Variants in C7orf78 observed in about 807,000 individuals in gnomAD.
The protein encoded by C7orf78 is putative uncharacterized protein C7orf78.
chr7:12,539,870 G>T, the C7orf78 span, among the ~76,000 whole-genome samples: 74 of 152,260 alleles, frequency 4.9e-4, no homozygotes, highest in African/African-American at 1.7e-3. Flanking sequence ...GATGAATGAG[G>T]GCTCCAGGCT....
chr7:12,493,512 G>C, the C7orf78 span, among the ~76,000 whole-genome samples: 79 of 152,276 alleles, frequency 5.2e-4, no homozygotes, highest in African/African-American at 1.9e-3. Flanking sequence ...CAGCAGGTTT[G>C]AGATAGGGCC....
chr7:12,506,897 T>A, the C7orf78 span: 5 of 477,602 alleles, frequency 1.0e-5, no homozygotes, highest in South Asian at 6.1e-5. Context: ...TTTAAGAACA[T>A]GTTTTTGGTT....
the C7orf78 span, chr7:12,491,165 T>A: frequency 1.3e-5 from 2 of 152,206 alleles, no homozygotes; most frequent in South Asian, 4.1e-4. Context: ...GGGATCACAG[T>A]AAATGGATTT....
chr7:12,520,066 G>C, the C7orf78 span, among the ~76,000 whole-genome samples: 7 of 152,224 alleles, frequency 4.6e-5, no homozygotes, highest in African/African-American at 1.7e-4. Context: ...GATTGCAGCA[G>C]TCCACAGTGA....
chr7:12,486,916 G>A, the C7orf78 span: 3 of 148,814 alleles, frequency 2.0e-5, no homozygotes, highest in African/African-American at 7.5e-5. Context: ...TAATTATCAA[G>A]TATCCATAAT....
chr7:12,514,976 G>A, the C7orf78 span, among the ~76,000 whole-genome samples: 1 of 152,148 alleles, frequency 6.6e-6, no homozygotes, highest in Non-Finnish European at 1.5e-5. Context: ...GGTTTCTGAT[G>A]AGAAATCTGC....
the C7orf78 span, among the ~76,000 whole-genome samples, chr7:12,521,506 A>G: frequency 6.6e-6 from 1 of 151,972 alleles, no homozygotes; most frequent in Non-Finnish European, 1.5e-5. Context: ...AATAAACTGC[A>G]ATATATGTGA....
At chr7:12,517,211 C>T in the C7orf78 span, among the ~76,000 whole-genome samples, 1 of 152,226 alleles carries the variant, frequency 6.6e-6, no homozygotes, top group African/African-American at 2.4e-5. Flanking sequence ...ATAAGTCTCA[C>T]AAGATCTGGT....
At chr7:12,488,918 T>G in the C7orf78 span, among the ~76,000 whole-genome samples, 1 of 144,204 alleles carries the variant, frequency 6.9e-6, no homozygotes, top group East Asian at 2.0e-4. Flanking sequence ...GATTGGTTTT[T>G]TTTTTTTTGG....
the C7orf78 span, among the ~76,000 whole-genome samples, chr7:12,540,478 C>A: frequency 6.6e-6 from 1 of 152,116 alleles, no homozygotes; most frequent in South Asian, 2.1e-4. Context: ...TGTCTTCAGA[C>A]TATGCAGTGT....
At chr7:12,506,965 A>T in the C7orf78 span, 3 of 476,384 alleles carry the variant, frequency 6.3e-6, no homozygotes, top group South Asian at 4.5e-5. Flanking sequence ...CTGAACAAAG[A>T]CAACATGAGG....
the C7orf78 span, among the ~76,000 whole-genome samples, chr7:12,488,899 AG>A: frequency 1.4e-5 from 2 of 139,670 alleles, no homozygotes; most frequent in South Asian, 4.6e-4. Context: ...ATATGTGTGG[AG>A]GGGGTTTGAT....
chr7:12,485,015 G>A, the C7orf78 span, among the ~76,000 whole-genome samples: 8 of 152,074 alleles, frequency 5.3e-5, no homozygotes, highest in Admixed American at 2.0e-4. Flanking sequence ...TGGATTAAGC[G>A]GTCCAAAGGA....
chr7:12,491,424 C>T, the C7orf78 span: 1 of 152,122 alleles, frequency 6.6e-6, no homozygotes, highest in Non-Finnish European at 1.5e-5. Flanking sequence ...TTTACTGCCT[C>T]AAGATTTCAG....
At chr7:12,531,977 T>C in the C7orf78 span, among the ~76,000 whole-genome samples, 1 of 152,176 alleles carries the variant, frequency 6.6e-6, no homozygotes, top group African/African-American at 2.4e-5. Flanking sequence ...CGATTAGATA[T>C]GACATTTACA....
the C7orf78 span, chr7:12,540,903 C>G: frequency 6.6e-6 from 1 of 152,194 alleles, no homozygotes; most frequent in Non-Finnish European, 1.5e-5. Flanking sequence ...TCACACATTT[C>G]TCTTTTGTTC....
the C7orf78 span, among the ~76,000 whole-genome samples, chr7:12,512,283 C>A: frequency 0.096 from 14,554 of 152,136 alleles, 856 homozygotes; most frequent in Non-Finnish European, 0.13. Context: ...AGAGAAGAGA[C>A]TTTCAGCTTT....
At chr7:12,535,594 C>A in the C7orf78 span, among the ~76,000 whole-genome samples, 1 of 152,154 alleles carries the variant, frequency 6.6e-6, no homozygotes, top group Non-Finnish European at 1.5e-5. Context: ...CATGTCTTCC[C>A]AACAGTCACC....
chr7:12,525,036 A>ATGTGATGTTTT, the C7orf78 span, among the ~76,000 whole-genome samples: 1 of 152,108 alleles, frequency 6.6e-6, no homozygotes, highest in Admixed American at 6.6e-5. Flanking sequence ...TTTTGAAACG[A>ATGTGATGTTTT]ACTTGGTCTC....
Sources: allele counts gnomAD v4.1 joint callset (sites outside exome capture counted in the v4.1 genomes callset), GRCh38; gene constraint gnomAD v4.1.1; transcripts MANE v1.5; gene names NCBI Gene and HGNC (gene_info 2026-07-23, HGNC 2026-07-21).